The following TENM3 variants were observed in gnomAD, a reference collection of about 807,000 sequenced individuals.
TENM3 encodes the protein teneurin-3.
A neutral mutation model predicts 255.1 loss-of-function variants in TENM3; 63 were observed. The observed-to-expected ratio is 0.25, with a 90% CI of 0.20 to 0.30. TENM3 has a LOEUF of 0.30. Ranked by LOEUF, TENM3 falls within the 10% of genes least tolerant of loss-of-function variation. The pLI, the probability that TENM3 is intolerant of heterozygous loss-of-function variation, is 1.00. For missense variants in TENM3, 2,929 were observed against 3,461.1 expected (o/e 0.85, Z 3.86); for synonymous variants, 1,306 against 1,322.3 (o/e 0.99, Z 0.27).
At position 182,434,617 on chromosome 4, in the gene TENM3, C is replaced by G. The variant is rs186281222; in HGVS notation, c.511+87688C>G. On this transcript the variant is annotated intron_variant, in intron 3 of 27. Transcript: ENST00000511685. ...GGCAGAAGTTGCAGTGAGCCAAGAT[C>G]GCACCACTGCACTCCAGCCTGGGAG... Among the ~76,000 whole-genome samples, 704 of 150,974 alleles carry G rather than the reference C, an allele frequency of 4.7e-3. 3 individuals carry two copies. The highest frequency in any genetic ancestry group is 0.016 in the African/African-American group (646 of 41,062).
At chr4:182,049,706 G>C in the TENM3 span, among the ~76,000 whole-genome samples, 1 of 152,212 alleles carries the variant, frequency 6.6e-6, no homozygotes, top group African/African-American at 2.4e-5. Context: ...AGAGGAAAAG[G>C]AAAAGTCTAA....
intron 1 of TENM3, among the ~76,000 whole-genome samples, chr4:182,227,127 T>A (rs1756211949): frequency 6.6e-6 from 1 of 152,200 alleles, no homozygotes; most frequent in African/African-American, 2.4e-5. Flanking sequence ...AGACACTCCT[T>A]TCCATGGAAT....
intron 4 of TENM3, among the ~76,000 whole-genome samples, chr4:182,620,010 T>A (rs10004672): frequency 6.6e-6 from 1 of 152,084 alleles, no homozygotes; most frequent in Admixed American, 6.5e-5. Flanking sequence ...TAAAGAAAAT[T>A]TCTGCCTTTA....
intron 1 of TENM3, among the ~76,000 whole-genome samples, chr4:182,306,372 A>C (rs1051368994): frequency 8.6e-5 from 13 of 151,984 alleles, no homozygotes; most frequent in Admixed American, 8.5e-4. Flanking sequence ...ATGTTTTCTG[A>C]ATCAGGTTTG....
chr4:181,831,056 T>C, the TENM3 span, among the ~76,000 whole-genome samples: 1 of 152,162 alleles, frequency 6.6e-6, no homozygotes, highest in Non-Finnish European at 1.5e-5. Context: ...CCCAAAAAAC[T>C]GGTTTTTCAT....
chr4:181,745,078 A>T, the TENM3 span, among the ~76,000 whole-genome samples: 27 of 152,278 alleles, frequency 1.8e-4, no homozygotes, highest in Admixed American at 1.3e-3. Context: ...GTGAGTAGAG[A>T]AGAAAGGAAG....
intron 3 of TENM3, among the ~76,000 whole-genome samples, chr4:182,468,080 C>G (rs563318372): frequency 6.6e-6 from 1 of 152,118 alleles, no homozygotes. Flanking sequence ...TTATGAAAAC[C>G]TTTTGCCAGT....
intron 22 of TENM3, among the ~76,000 whole-genome samples, chr4:182,766,682 G>A (rs190380620): frequency 2.0e-5 from 3 of 152,112 alleles, no homozygotes; most frequent in Admixed American, 2.0e-4. Context: ...AGAGAGGAGT[G>A]GGGGAGGCTC....
At chr4:181,990,929 C>CA in the TENM3 span, among the ~76,000 whole-genome samples, 1 of 151,956 alleles carries the variant, frequency 6.6e-6, no homozygotes. Flanking sequence ...AAGCAAATAA[C>CA]AAAAAATAAT....
chr4:181,554,824 C>T, the TENM3 span, among the ~76,000 whole-genome samples: 1 of 152,204 alleles, frequency 6.6e-6, no homozygotes, highest in Non-Finnish European at 1.5e-5. Flanking sequence ...AAAGAAAGGA[C>T]TTAAATGGCT....
At chr4:181,630,206 T>C in the TENM3 span, among the ~76,000 whole-genome samples, 16,656 of 152,176 alleles carry the variant, frequency 0.11, 975 homozygotes, top group South Asian at 0.21. Context: ...TTTTTTATTG[T>C]GTCTATTTGA....
chr4:182,663,089 C>A (rs1754362074), intron 6 of TENM3, among the ~76,000 whole-genome samples: 1 of 150,948 alleles, frequency 6.6e-6, no homozygotes, highest in Non-Finnish European at 1.5e-5. Flanking sequence ...GAGGTCAGAT[C>A]TGCAAGTACC....
chr4:181,678,249 G>T, the TENM3 span, among the ~76,000 whole-genome samples: 1 of 152,056 alleles, frequency 6.6e-6, no homozygotes, highest in Admixed American at 6.6e-5. Flanking sequence ...GAAGAAAACA[G>T]AGTTCAGTGC....
the TENM3 span, among the ~76,000 whole-genome samples, chr4:181,664,031 T>G: frequency 6.6e-6 from 1 of 152,220 alleles, no homozygotes; most frequent in Admixed American, 6.5e-5. Context: ...GCAGGTAGTT[T>G]AGTGGTGTGG....
At chr4:182,157,754 T>G (rs1247398667) in intron 1 of TENM3, among the ~76,000 whole-genome samples, 1 of 152,030 alleles carries the variant, frequency 6.6e-6, no homozygotes, top group Non-Finnish European at 1.5e-5. Flanking sequence ...AAGACAAGAC[T>G]TTGACCAGGA....
chr4:181,920,148 G>C, the TENM3 span, among the ~76,000 whole-genome samples: 1 of 151,926 alleles, frequency 6.6e-6, no homozygotes, highest in Non-Finnish European at 1.5e-5. Flanking sequence ...GGACATTTGG[G>C]TTTGTTCCAA....
chr4:182,439,610 T>A (rs1190536897), intron 3 of TENM3, among the ~76,000 whole-genome samples: 2 of 152,162 alleles, frequency 1.3e-5, no homozygotes, highest in African/African-American at 4.8e-5. Context: ...GAAGAAAAAA[T>A]CTGGTGTGTA....
At chr4:182,341,433 G>C (rs1764481610) in intron 2 of TENM3, among the ~76,000 whole-genome samples, 1 of 152,040 alleles carries the variant, frequency 6.6e-6, no homozygotes, top group Non-Finnish European at 1.5e-5. Flanking sequence ...TTCCAAAAGT[G>C]GGATTATACT....
At position 182,681,962 on chromosome 4, in the gene TENM3, AAGTGGCTCCTGCACGTGT is replaced by A. The variant is rs750128691; in HGVS notation, c.1984_2001del (p.Ser662_Cys667del). 1 of 1,613,984 alleles carries A rather than the reference AAGTGGCTCCTGCACGTGT, an allele frequency of 6.2e-7. No homozygotes were observed. The highest frequency in any genetic ancestry group is 8.5e-7 in the Non-Finnish European group (1 of 1,179,876). On this transcript the variant is annotated inframe_deletion, in exon 11 of 28. Coordinates refer to ENST00000511685, the MANE Select transcript of TENM3 (RefSeq NM_001080477.4). ...CCGGCCACGGAACGTATCTTCAAGA[AAGTGGCTCCTGCACGTGT>A]GACCCTAACTGGACTGGCCCAGACT... is the stretch of plus-strand genomic sequence containing the variant.
Sources: allele counts gnomAD v4.1 joint callset (sites outside exome capture counted in the v4.1 genomes callset), GRCh38; gene constraint gnomAD v4.1.1; transcripts MANE v1.5; gene names NCBI Gene and HGNC (gene_info 2026-07-23, HGNC 2026-07-21).